Variants in PTBP3 observed in about 807,000 individuals in gnomAD.
PTBP3 encodes the protein polypyrimidine tract-binding protein 3.
PTBP3 carries 20 observed loss-of-function variants against 58.7 expected under a neutral mutation model. The observed-to-expected ratio is 0.34, with a 90% CI of 0.24 to 0.50. The LOEUF (loss-of-function observed/expected upper bound fraction) is 0.50, where lower values mean the gene tolerates loss of function less well. Among genes scored for constraint, PTBP3 ranks in the 20% least tolerant of loss-of-function variants. PTBP3 has a pLI of 0.98. For missense variants in PTBP3, 509 were observed against 637.2 expected, an observed-to-expected ratio of 0.80 and a Z score of 2.17; for synonymous variants, 185 against 219.8, an observed-to-expected ratio of 0.84 and a Z score of 1.40.
chr9:112,274,102 G>T (rs1827507867), intron 3 of PTBP3, among the ~76,000 whole-genome samples: 1 of 152,162 alleles, frequency 6.6e-6, no homozygotes, highest in African/African-American at 2.4e-5. Context: ...AACTGGCAGG[G>T]ATGCACGGTC....
intron 1 of PTBP3, among the ~76,000 whole-genome samples, chr9:112,304,801 T>C (rs539791056): frequency 5.3e-5 from 8 of 152,324 alleles, no homozygotes; most frequent in African/African-American, 1.9e-4. Flanking sequence ...TCGCTTATTT[T>C]TTATTTTTTT....
At chr9:112,368,336 A>G in the PTBP3 span, among the ~76,000 whole-genome samples, 3 of 152,126 alleles carry the variant, frequency 2.0e-5, no homozygotes, top group Non-Finnish European at 4.4e-5. Context: ...ACACCCAGCT[A>G]ATTTTTGTAT....
At chr9:112,237,737 CAACAGG>C (rs1467889179) in intron 7 of PTBP3, among the ~76,000 whole-genome samples, 1 of 152,074 alleles carries the variant, frequency 6.6e-6, no homozygotes, top group Non-Finnish European at 1.5e-5. Flanking sequence ...AGTGAGAAGT[CAACAGG>C]ATACTCTCAC....
the PTBP3 span, among the ~76,000 whole-genome samples, chr9:112,340,270 G>T: frequency 6.6e-6 from 1 of 152,106 alleles, no homozygotes; most frequent in African/African-American, 2.4e-5. Flanking sequence ...ACTGTTTATT[G>T]TATTAATACT....
At chr9:112,224,278 A>G in intron 12 of PTBP3, 68 bp from the exon 13 acceptor site, 2 of 925,004 alleles carry the variant, frequency 2.2e-6, no homozygotes, top group Non-Finnish European at 3.2e-6. Flanking sequence ...TAACTCTTGC[A>G]ATCATCAAAT....
At chr9:112,333,968 G>A (rs1435575320), upstream of PTBP3, among the ~76,000 whole-genome samples, 1 of 147,966 alleles carries the variant, frequency 6.8e-6, no homozygotes, top group Non-Finnish European at 1.5e-5. Context: ...CGGGCCTTCC[G>A]GCTTCGCAGA....
In PTBP3 at chr9:112,231,747, T is replaced by TA. The variant is rs141817730; in HGVS notation, c.1021-335dup. 4.3e-3 allele frequency among the ~76,000 whole-genome samples: 635 copies of TA among 148,866 alleles called. 5 individuals carry two copies. The highest frequency in any genetic ancestry group is 7.1e-3 in the Non-Finnish European group (475 of 67,244). ...CAAGATCCTGTTTTTACAAAAGAATTAAAAAAAAAAATTAGCCAGGCGTGG... is the reference window on the plus strand; with the variant it reads ...CAAGATCCTGTTTTTACAAAAGAATTAAAAAAAAAAAATTAGCCAGGCGTGG... On this transcript the variant is annotated intron_variant, in intron 9 of 13. Coordinates refer to ENST00000374257, the MANE Select transcript of PTBP3 (RefSeq NM_001163788.4).
rs1193964910 is a variant in PTBP3 at position 112,218,435 on chromosome 9, T to TTC, written c.*5415_*5416insGA. On this transcript the variant is annotated 3_prime_UTR_variant, in exon 14 of 14. Coordinates refer to ENST00000374257, the MANE Select transcript of PTBP3 (RefSeq NM_001163788.4). ...AAGTACAGACAAGAACACAGAAAAA[T>TTC]TTTAAGAGAGTACAGATGTCATGAC... 1 of 152,126 alleles carries TTC rather than the reference T, an allele frequency of 6.6e-6. No homozygotes were observed. Among genetic ancestry groups the TTC allele is most frequent in the Admixed American group, 6.6e-5 (1 of 15,220 alleles). The allele number at this position is 152,126 out of a possible 1,614,324, so 9.4% of individuals were successfully genotyped here. A position where few individuals can be genotyped will look rare whatever the true frequency, so the allele number is the denominator to read the frequency against.
chr9:112,268,290 C>T (rs7870866), intron 3 of PTBP3, 95 bp from the exon 4 acceptor site: 602,657 of 1,237,514 alleles, frequency 0.49, 150,152 homozygotes, highest in African/African-American at 0.78. Context: ...AACCCATGCA[C>T]TCTCAAGTAA....
intron 2 of PTBP3, among the ~76,000 whole-genome samples, chr9:112,295,994 G>A (rs1056760160): frequency 6.6e-6 from 1 of 152,120 alleles, no homozygotes; most frequent in African/African-American, 2.4e-5. Flanking sequence ...AAACAAATTC[G>A]TAAACTTTCT....
Position 112,218,999 on chromosome 9 carries a change from C to G in PTBP3, c.*4852G>C, listed in dbSNP as rs1454945343. 1 of 152,280 alleles carries G rather than the reference C, an allele frequency of 6.6e-6. No homozygotes were observed. 9.4% of individuals were successfully genotyped at this position (152,280 alleles called of 1,614,324 possible). A position where few individuals can be genotyped will look rare whatever the true frequency, so the allele number is the denominator to read the frequency against. ...TACAGTACTGAAAATGCCCATCAAA[C>G]TCGTCATCCTAATCCATTCTGTTCA... On this transcript the variant is annotated 3_prime_UTR_variant, in exon 14 of 14. Coordinates refer to ENST00000374257, the MANE Select transcript of PTBP3 (RefSeq NM_001163788.4).
At chr9:112,234,285 G>C (rs890142403) in intron 8 of PTBP3, among the ~76,000 whole-genome samples, 2 of 152,094 alleles carry the variant, frequency 1.3e-5, no homozygotes, top group Admixed American at 6.5e-5. Flanking sequence ...TAGCTAAAGA[G>C]ACAAAATATA....
intron 5 of PTBP3, among the ~76,000 whole-genome samples, chr9:112,259,490 G>A (rs1255845422): frequency 6.6e-6 from 1 of 152,024 alleles, no homozygotes; most frequent in East Asian, 1.9e-4. Flanking sequence ...TCCACCTTAG[G>A]CACCTTACAT....
At chr9:112,257,283 A>G (rs954760981) in intron 5 of PTBP3, among the ~76,000 whole-genome samples, 2 of 152,218 alleles carry the variant, frequency 1.3e-5, no homozygotes, top group Admixed American at 6.5e-5. Flanking sequence ...GGGCACCAAC[A>G]TCAGGGAATC....
At chr9:112,253,745 G>C (rs1836230443) in intron 5 of PTBP3, among the ~76,000 whole-genome samples, 1 of 152,014 alleles carries the variant, frequency 6.6e-6, no homozygotes, top group African/African-American at 2.4e-5. Context: ...AAAAGGGGCA[G>C]TTTCCCCTGC....
At chr9:112,254,884 T>C (rs569640028) in intron 5 of PTBP3, among the ~76,000 whole-genome samples, 133 of 152,080 alleles carry the variant, frequency 8.7e-4, no homozygotes, top group African/African-American at 2.8e-3. Context: ...AGCCAAAAAA[T>C]TGAAAACAGG....
chr9:112,323,745 G>C (rs147416808), intron 1 of PTBP3, among the ~76,000 whole-genome samples: 2 of 152,300 alleles, frequency 1.3e-5, no homozygotes, highest in East Asian at 1.9e-4. Context: ...AATAATTAGA[G>C]AATGTCCAAG....
At chr9:112,288,640 G>A (rs1828245425) in intron 2 of PTBP3, among the ~76,000 whole-genome samples, 1 of 152,174 alleles carries the variant, frequency 6.6e-6, no homozygotes, top group African/African-American at 2.4e-5. Context: ...AGTAAGTCCA[G>A]TCCCAGTTAC....
chr9:112,233,109 C>T (rs896576298), intron 8 of PTBP3, among the ~76,000 whole-genome samples: 1 of 152,018 alleles, frequency 6.6e-6, no homozygotes, highest in Non-Finnish European at 1.5e-5. Context: ...AATTTTAAAA[C>T]TGTGCAGACC....
Sources: allele counts gnomAD v4.1 joint callset (sites outside exome capture counted in the v4.1 genomes callset), GRCh38; gene constraint gnomAD v4.1.1; transcripts MANE v1.5; gene names NCBI Gene and HGNC (gene_info 2026-07-23, HGNC 2026-07-21).